The following AUH variants were observed in gnomAD, a reference collection of about 807,000 sequenced individuals.
AUH encodes the protein methylglutaconyl-CoA hydratase, mitochondrial.
In AUH, 29 loss-of-function variants were observed where a neutral mutation model predicts 42.3. The observed-to-expected ratio is 0.69, with a 90% CI of 0.51 to 0.93. The LOEUF is 0.93. AUH is among the 40% of genes least tolerant of loss of function. The pLI is 0.00. For synonymous variants in AUH, 174 were observed against 166.4 expected, an observed-to-expected ratio of 1.05 and a Z score of -0.35; for missense variants, 452 against 438.1, an observed-to-expected ratio of 1.03 and a Z score of -0.28.
chr9:91,293,349 G>T (rs1324921588), intron 6 of AUH, among the ~76,000 whole-genome samples: 1 of 152,204 alleles, frequency 6.6e-6, no homozygotes, highest in Non-Finnish European at 1.5e-5. Flanking sequence ...AGGCTTAGTT[G>T]CCAATGCAAA....
intron 3 of AUH, among the ~76,000 whole-genome samples, chr9:91,347,158 CCCT>C (rs1232826329): frequency 6.6e-6 from 1 of 152,100 alleles, no homozygotes; most frequent in African/African-American, 2.4e-5. Flanking sequence ...CACCTCAGCC[CCCT>C]CAAGTAGCTG....
chr9:91,256,866 C>G (rs1248048987), intron 6 of AUH, among the ~76,000 whole-genome samples: 3 of 152,078 alleles, frequency 2.0e-5, no homozygotes, highest in Admixed American at 2.0e-4. Flanking sequence ...GACCCTTACA[C>G]AGAGAGACAG....
intron 6 of AUH, among the ~76,000 whole-genome samples, chr9:91,260,596 A>G (rs1233976529): frequency 2.0e-5 from 3 of 152,226 alleles, no homozygotes; most frequent in African/African-American, 7.2e-5. Context: ...GATGGTACAT[A>G]TACCTCTTAG....
intron 4 of AUH, among the ~76,000 whole-genome samples, chr9:91,306,803 G>A (rs1270436012): frequency 6.6e-6 from 1 of 152,116 alleles, no homozygotes; most frequent in Non-Finnish European, 1.5e-5. Flanking sequence ...AGGAAGCAAC[G>A]GCCATAACTT....
chr9:91,342,808 G>A (rs1831204953), intron 3 of AUH: 1 of 152,132 alleles, frequency 6.6e-6, no homozygotes, highest in Admixed American at 6.6e-5. Context: ...GCTGACCTTT[G>A]AACAACATCA....
At chr9:91,348,683 T>C (rs925563520) in intron 3 of AUH, among the ~76,000 whole-genome samples, 3 of 152,180 alleles carry the variant, frequency 2.0e-5, no homozygotes, top group Non-Finnish European at 4.4e-5. Flanking sequence ...TCAATTTATT[T>C]TAAAATTACA....
At chr9:91,319,331 T>C (rs1829393555) in intron 4 of AUH, among the ~76,000 whole-genome samples, 1 of 152,224 alleles carries the variant, frequency 6.6e-6, no homozygotes, top group African/African-American at 2.4e-5. Context: ...GGATTTAATG[T>C]TGTAAATTCC....
chr9:91,238,478 C>T (rs556268992), intron 6 of AUH, among the ~76,000 whole-genome samples: 1 of 152,280 alleles, frequency 6.6e-6, no homozygotes, highest in South Asian at 2.1e-4. Flanking sequence ...TTTGCCATAG[C>T]ATAGAGAATA....
chr9:91,319,053 TTTC>T (rs1159023777), intron 4 of AUH, among the ~76,000 whole-genome samples: 1 of 152,212 alleles, frequency 6.6e-6, no homozygotes, highest in African/African-American at 2.4e-5. Context: ...TTCCCAGTAT[TTTC>T]TTATTATCTT....
intron 3 of AUH, among the ~76,000 whole-genome samples, chr9:91,334,642 T>C (rs1830572200): frequency 6.6e-6 from 1 of 152,202 alleles, no homozygotes; most frequent in Non-Finnish European, 1.5e-5. Context: ...TATATTTCTA[T>C]TGATACTATT....
intron 3 of AUH, among the ~76,000 whole-genome samples, chr9:91,345,592 G>C (rs1443248708): frequency 6.6e-6 from 1 of 152,132 alleles, no homozygotes; most frequent in Non-Finnish European, 1.5e-5. Context: ...CCAGCACTTT[G>C]GGAGGCCGAG....
intron 6 of AUH, among the ~76,000 whole-genome samples, chr9:91,270,398 G>C (rs1251332128): frequency 6.6e-6 from 1 of 152,170 alleles, no homozygotes; most frequent in Non-Finnish European, 1.5e-5. Context: ...TCCCTAGTGG[G>C]AACAGCCCTG....
chr9:91,227,032 C>A (rs1011068064), intron 6 of AUH, among the ~76,000 whole-genome samples: 1 of 151,856 alleles, frequency 6.6e-6, no homozygotes, highest in Non-Finnish European at 1.5e-5. Flanking sequence ...CTTGGCAATG[C>A]GGGCTCTTTT....
At chr9:91,346,292 A>C (rs1350846890) in intron 3 of AUH, among the ~76,000 whole-genome samples, 1 of 152,144 alleles carries the variant, frequency 6.6e-6, no homozygotes, top group African/African-American at 2.4e-5. Context: ...CTCAGTCGCC[A>C]ATGGCTAATG....
At chr9:91,219,000 G>A (rs1826978354) in intron 7 of AUH, 1 of 985,328 alleles carries the variant, frequency 1.0e-6, no homozygotes, top group Admixed American at 6.1e-5. Context: ...CTGAAGGAGT[G>A]TCCTTCCAAT....
intron 4 of AUH, among the ~76,000 whole-genome samples, chr9:91,304,960 A>C (rs1490019600): frequency 6.6e-6 from 1 of 152,206 alleles, no homozygotes; most frequent in Non-Finnish European, 1.5e-5. Context: ...GGTCAACTGC[A>C]GTTTGAAAAT....
At chr9:91,230,115 T>C (rs1340650398) in intron 6 of AUH, among the ~76,000 whole-genome samples, 1 of 151,514 alleles carries the variant, frequency 6.6e-6, no homozygotes, top group Non-Finnish European at 1.5e-5. Context: ...CCTTGCTAGA[T>C]TGGGGAAATT....
At chr9:91,345,725 C>T (rs988890615) in intron 3 of AUH, among the ~76,000 whole-genome samples, 7 of 149,218 alleles carry the variant, frequency 4.7e-5, no homozygotes, top group African/African-American at 9.8e-5. Context: ...CCCAGCTACT[C>T]GGGAGGCTGA....
Position 91,356,081 on chromosome 9 carries a change from C to G in AUH, c.330+7G>C, listed in dbSNP as rs1370373898. 1 of 1,610,710 alleles carries G rather than the reference C, an allele frequency of 6.2e-7. No individual in the cohort carries two copies. The highest frequency in any genetic ancestry group is 8.5e-7 in the Non-Finnish European group (1 of 1,177,360). On this transcript the variant is annotated splice_region_variant and intron_variant, in intron 2 of 9. Coordinates refer to ENST00000375731, the MANE Select transcript of AUH (RefSeq NM_001698.3). The stretch of plus-strand genomic sequence containing the variant: ...TTAGAAGCAAACAGTTTAATCTTTA[C>G]ACTCACCATTTTTATAAGATTTTTA...
Sources: gnomAD v4.1 joint callset for allele counts (sites outside exome capture counted in the v4.1 genomes callset) on GRCh38, gnomAD v4.1.1 for gene constraint, MANE v1.5 for transcripts, NCBI Gene and HGNC (gene_info 2026-07-23, HGNC 2026-07-21) for gene names.